The following RIT2 variants were observed in gnomAD, a reference collection of about 807,000 sequenced individuals.
RIT2 encodes the protein GTP-binding protein Rit2.
A neutral mutation model predicts 23.7 loss-of-function variants in RIT2; 24 were observed. That is an observed-to-expected ratio of 1.01 (90% CI 0.73 to 1.43). The LOEUF is 1.43. Ranked by LOEUF, RIT2 falls within the 40% of genes most tolerant of loss-of-function variation. The pLI is 0.00. For missense variants in RIT2, 236 were observed against 266.9 expected (o/e 0.88, Z 0.81); for synonymous variants, 107 against 91.1 (o/e 1.17, Z -0.99).
intron 1 of RIT2, among the ~76,000 whole-genome samples, chr18:43,074,751 A>G (rs1209382553): frequency 2.6e-5 from 4 of 152,234 alleles, no homozygotes; most frequent in Admixed American, 6.5e-5. Context: ...TTGCAGGGAC[A>G]TGCATGGAGC....
At chr18:42,939,709 G>A (rs1388575777) in intron 3 of RIT2, among the ~76,000 whole-genome samples, 1 of 151,966 alleles carries the variant, frequency 6.6e-6, no homozygotes, top group Non-Finnish European at 1.5e-5. Context: ...AGTAACATTA[G>A]TATTTATATC....
At chr18:43,093,918 A>G (rs1913484407) in intron 1 of RIT2, among the ~76,000 whole-genome samples, 1 of 152,036 alleles carries the variant, frequency 6.6e-6, no homozygotes, top group Non-Finnish European at 1.5e-5. Flanking sequence ...TGCATAAGAA[A>G]CATATGTGCA....
At chr18:43,057,073 A>G (rs77177950) in intron 1 of RIT2, among the ~76,000 whole-genome samples, 1,860 of 150,530 alleles carry the variant, frequency 0.012, 28 homozygotes, top group African/African-American at 0.034. Context: ...GGGGAAGTAT[A>G]AAAATGTAGG....
intron 4 of RIT2, among the ~76,000 whole-genome samples, chr18:42,759,403 C>T (rs187513288): frequency 5.9e-5 from 9 of 152,176 alleles, no homozygotes; most frequent in Non-Finnish European, 1.2e-4. Flanking sequence ...TTTGGGAATA[C>T]TTAAATTTCC....
chr18:42,862,133 C>A (rs753581537), intron 4 of RIT2, among the ~76,000 whole-genome samples: 3 of 152,120 alleles, frequency 2.0e-5, no homozygotes, highest in Admixed American at 6.5e-5. Flanking sequence ...AAATTGCAAT[C>A]CCCATGTACT....
chr18:42,985,840 T>G (rs1240831357), intron 2 of RIT2, among the ~76,000 whole-genome samples: 1 of 151,918 alleles, frequency 6.6e-6, no homozygotes, highest in Non-Finnish European at 1.5e-5. Flanking sequence ...GAGTGATAAA[T>G]CTTAATAACT....
chr18:43,057,260 T>A (rs1185301241), intron 1 of RIT2, among the ~76,000 whole-genome samples: 3 of 152,128 alleles, frequency 2.0e-5, no homozygotes, highest in African/African-American at 7.2e-5. Flanking sequence ...TTTTCTGCCC[T>A]CTTTGATACC....
intron 4 of RIT2, among the ~76,000 whole-genome samples, chr18:42,856,737 C>T (rs999550920): frequency 6.6e-6 from 1 of 151,452 alleles, no homozygotes; most frequent in Non-Finnish European, 1.5e-5. Flanking sequence ...AAGAGTGGTT[C>T]TCAAATAGTA....
rs568383429 is a variant in RIT2 at position 42,983,611 on chromosome 18, A to C, written c.161-9464T>G. Among the ~76,000 whole-genome samples the C allele has an allele frequency of 7.8e-4, 118 of 152,206 alleles. 1 individual carries two copies. Among genetic ancestry groups the C allele is most frequent in the African/African-American group, 2.6e-3 (108 of 41,556 alleles). ...TTTGAAAATCACATATTTGACAAAA[A>C]ACTCATGTTTAACATATATAAATAA... On this transcript the variant is annotated intron_variant, in intron 2 of 4. Coordinates refer to ENST00000326695, the MANE Select transcript of RIT2 (RefSeq NM_002930.4).
At position 43,037,704 on chromosome 18, in the gene RIT2, A is replaced by G. The variant is rs1014027372; in HGVS notation, c.104-3837T>C. On this transcript the variant is annotated intron_variant, in intron 1 of 4. Transcript: ENST00000326695. ...ATATATACATATATATTTATGATAG[A>G]ATTCATGGGTACAGTATTTCCAGGG... Among the ~76,000 whole-genome samples, 8 of 152,154 alleles carry G rather than the reference A, an allele frequency of 5.3e-5. No individual in the cohort carries two copies. In the South Asian group the frequency reaches 6.2e-4, roughly 12 times the overall value.
intron 2 of RIT2, among the ~76,000 whole-genome samples, chr18:43,007,305 C>G (rs1412577633): frequency 6.6e-6 from 1 of 151,636 alleles, no homozygotes; most frequent in Non-Finnish European, 1.5e-5. Flanking sequence ...TACACTACAA[C>G]TATTTTTAAA....
At chr18:42,895,187 T>G (rs1454897691) in intron 4 of RIT2, among the ~76,000 whole-genome samples, 1 of 152,174 alleles carries the variant, frequency 6.6e-6, no homozygotes, top group African/African-American at 2.4e-5. Context: ...CTTTGTTTTT[T>G]TTTCTAGTAA....
At chr18:43,022,787 A>G (rs778683430) in intron 2 of RIT2, among the ~76,000 whole-genome samples, 7 of 152,098 alleles carry the variant, frequency 4.6e-5, no homozygotes, top group Non-Finnish European at 1.0e-4. Context: ...ATGAATTAAC[A>G]TGAGTCAGAA....
Position 42,934,888 on chromosome 18 carries a change from T to C in RIT2, c.235-11125A>G, listed in dbSNP as rs116573962. On this transcript the variant is annotated intron_variant, in intron 3 of 4. Transcript: ENST00000326695. ...AAGTGCAATTGAAATCACAGAACTA[T>C]TGTTATTATTTGATATCTATACTAC... 2.5e-3 allele frequency among the ~76,000 whole-genome samples: 384 copies of C among 152,252 alleles called. 1 individual carries two copies. Among genetic ancestry groups the C allele is most frequent in the African/African-American group, 8.8e-3 (364 of 41,552 alleles).
At chr18:43,063,798 T>A (rs562287414) in intron 1 of RIT2, among the ~76,000 whole-genome samples, 5 of 152,274 alleles carry the variant, frequency 3.3e-5, no homozygotes, top group Admixed American at 1.3e-4. Flanking sequence ...TAACCAGGCA[T>A]GTTATGTCAG....
At chr18:42,911,918 C>T (rs1218919847) in intron 4 of RIT2, among the ~76,000 whole-genome samples, 3 of 151,844 alleles carry the variant, frequency 2.0e-5, no homozygotes, top group Non-Finnish European at 4.4e-5. Context: ...AAAGGGAATA[C>T]TTCCTAATTC....
chr18:42,932,190 T>C (rs980166896), intron 3 of RIT2, among the ~76,000 whole-genome samples: 8 of 152,086 alleles, frequency 5.3e-5, no homozygotes, highest in African/African-American at 1.9e-4. Flanking sequence ...CTCTATAACA[T>C]CAGAAGTACA....
chr18:43,063,857 A>G lies in RIT2; in HGVS notation c.104-29990T>C, dbSNP rs142580959. ...ATGATTATGGAAATGTCTATTAGGT[A>G]CCAACAAGAGCTGGGAGGTCATAGG... On this transcript the variant is annotated intron_variant, in intron 1 of 4. Coordinates refer to ENST00000326695, the MANE Select transcript of RIT2 (RefSeq NM_002930.4). Among the ~76,000 whole-genome samples the G allele has an allele frequency of 4.0e-3, 609 of 152,298 alleles. 4 individuals carry two copies. In the Middle Eastern group the frequency reaches 0.044, roughly 11 times the overall value.
At chr18:42,888,513 G>T (rs1225559596) in intron 4 of RIT2, among the ~76,000 whole-genome samples, 1 of 150,058 alleles carries the variant, frequency 6.7e-6, no homozygotes. Flanking sequence ...AGCCTCTCCA[G>T]CATCTGTTTT....
Sources: gnomAD v4.1 joint callset for allele counts (sites outside exome capture counted in the v4.1 genomes callset) on GRCh38, gnomAD v4.1.1 for gene constraint, MANE v1.5 for transcripts, NCBI Gene and HGNC (gene_info 2026-07-23, HGNC 2026-07-21) for gene names.